The following PACRG variants were observed in gnomAD, a reference collection of about 807,000 sequenced individuals.
PACRG encodes the protein parkin coregulated gene protein.
Under a neutral mutation model 29.7 loss-of-function variants are expected in PACRG, and 29 were observed. That is an observed-to-expected ratio of 0.98 (90% confidence interval 0.73 to 1.33). PACRG has a LOEUF of 1.33. Ranked by LOEUF, PACRG falls within the 40% of genes most tolerant of loss-of-function variation. PACRG has a pLI of 0.00. For missense variants in PACRG, 279 were observed against 316.2 expected, an observed-to-expected ratio of 0.88 and a Z score of 0.89; for synonymous variants, 116 against 118.7, an observed-to-expected ratio of 0.98 and a Z score of 0.15.
At chr6:162,762,260 A>T (rs866428682) in intron 1 of PACRG, among the ~76,000 whole-genome samples, 13 of 152,206 alleles carry the variant, frequency 8.5e-5, no homozygotes, top group Admixed American at 2.6e-4. Context: ...ACCAAGAAAG[A>T]GTTCAGCAGG....
intron 4 of PACRG, among the ~76,000 whole-genome samples, chr6:163,221,289 G>A (rs910088671): frequency 6.6e-6 from 1 of 152,194 alleles, no homozygotes; most frequent in Admixed American, 6.5e-5. Flanking sequence ...TCTTCAGGAA[G>A]CCACTGGGTC....
At chr6:163,033,270 G>A (rs980984321) in intron 2 of PACRG, among the ~76,000 whole-genome samples, 8 of 152,108 alleles carry the variant, frequency 5.3e-5, no homozygotes, top group Admixed American at 3.9e-4. Flanking sequence ...ATTAGATGTG[G>A]GGCCTAGGAC....
chr6:162,932,649 A>T (rs1049495578), intron 2 of PACRG, among the ~76,000 whole-genome samples: 4 of 151,690 alleles, frequency 2.6e-5, no homozygotes, highest in Non-Finnish European at 5.9e-5. Flanking sequence ...ATTTTTTTCT[A>T]GGTTTCTAAT....
intron 2 of PACRG, among the ~76,000 whole-genome samples, chr6:162,992,593 T>A (rs1803543883): frequency 8.4e-6 from 1 of 118,668 alleles, no homozygotes; most frequent in Non-Finnish European, 1.7e-5. Context: ...GATATCCCCT[T>A]TATCATTTTT....
intron 2 of PACRG, among the ~76,000 whole-genome samples, chr6:162,844,476 C>G (rs1476130731): frequency 6.6e-6 from 1 of 152,230 alleles, no homozygotes; most frequent in Non-Finnish European, 1.5e-5. Context: ...CGCGCACCCA[C>G]TGACCTGTGC....
At chr6:163,082,675 G>A (rs1813193682) in intron 3 of PACRG, among the ~76,000 whole-genome samples, 1 of 152,088 alleles carries the variant, frequency 6.6e-6, no homozygotes, top group South Asian at 2.1e-4. Context: ...TATAAAATGA[G>A]GTCCGAGTGC....
chr6:162,772,838 T>A (rs1783325437), intron 1 of PACRG, among the ~76,000 whole-genome samples: 6 of 152,064 alleles, frequency 3.9e-5, no homozygotes, highest in Admixed American at 6.5e-5. Context: ...GGAAAGAATA[T>A]GAGGGAATGA....
intron 4 of PACRG, among the ~76,000 whole-genome samples, chr6:163,266,806 G>C (rs893706341): frequency 6.6e-6 from 1 of 152,144 alleles, no homozygotes; most frequent in Non-Finnish European, 1.5e-5. Context: ...TGATATCCCA[G>C]CCGTCAAATG....
At chr6:163,231,120 G>A (rs74525110) in intron 4 of PACRG, among the ~76,000 whole-genome samples, 2,541 of 152,296 alleles carry the variant, frequency 0.017, 13 homozygotes, top group East Asian at 0.034. Flanking sequence ...GGCTGGGAGC[G>A]GCACCACCTT....
At chr6:163,187,254 A>G (rs907819551) in intron 4 of PACRG, among the ~76,000 whole-genome samples, 10 of 152,084 alleles carry the variant, frequency 6.6e-5, no homozygotes, top group Non-Finnish European at 1.5e-4. Context: ...ATCCCTCCAT[A>G]GACTGATCTG....
chr6:162,953,610 A>G (rs1171987252), intron 2 of PACRG, among the ~76,000 whole-genome samples: 8 of 151,974 alleles, frequency 5.3e-5, no homozygotes, highest in Non-Finnish European at 4.4e-5. Flanking sequence ...ATGAGATAGC[A>G]GAGATTTTTC....
In PACRG at chr6:163,026,639, C is replaced by T. The variant is rs1012282611; in HGVS notation, c.292-35511C>T. On this transcript the variant is annotated intron_variant, in intron 2 of 4. Transcript: ENST00000366888. ...AGGTTCCCCCATAAGACCTCACTCT[C>T]ATGCAAGAATCTATTAACTTGTGTT... Among the ~76,000 whole-genome samples, 4 of 152,242 alleles carry T rather than the reference C, an allele frequency of 2.6e-5. No individual in the cohort carries two copies. In the East Asian group the frequency reaches 7.7e-4, roughly 29 times the overall value.
chr6:163,218,250 C>T (rs1167647250), intron 4 of PACRG, among the ~76,000 whole-genome samples: 2 of 152,182 alleles, frequency 1.3e-5, no homozygotes, highest in African/African-American at 4.8e-5. Flanking sequence ...ATGATGGATA[C>T]AGCAATCTCT....
At chr6:162,960,182 G>A (rs1800492101) in intron 2 of PACRG, among the ~76,000 whole-genome samples, 1 of 152,220 alleles carries the variant, frequency 6.6e-6, no homozygotes, top group South Asian at 2.1e-4. Context: ...TTCATTCACT[G>A]TGGAAAGCAG....
intron 4 of PACRG, chr6:163,189,583 G>A (rs1780108219): frequency 6.6e-6 from 1 of 152,196 alleles, no homozygotes; most frequent in Non-Finnish European, 1.5e-5. Context: ...CTTACAGATT[G>A]CTAGTTTCTC....
At chr6:163,061,519 G>A (rs982217249) in intron 2 of PACRG, among the ~76,000 whole-genome samples, 1 of 152,206 alleles carries the variant, frequency 6.6e-6, no homozygotes, top group African/African-American at 2.4e-5. Flanking sequence ...GGCAAAGGGA[G>A]GTTGGGATGT....
chr6:163,062,552 A>G (rs1056707186), intron 3 of PACRG, among the ~76,000 whole-genome samples: 2 of 152,196 alleles, frequency 1.3e-5, no homozygotes, highest in African/African-American at 2.4e-5. Flanking sequence ...GGTTTGTGCT[A>G]ATTTAAAATG....
chr6:163,005,875 G>C (rs574482684), intron 2 of PACRG, among the ~76,000 whole-genome samples: 1 of 146,362 alleles, frequency 6.8e-6, no homozygotes, highest in Non-Finnish European at 1.5e-5. Context: ...ATAGTTATAC[G>C]TGTTATATAT....
At chr6:162,887,246 C>T (rs1205712209) in intron 2 of PACRG, among the ~76,000 whole-genome samples, 1 of 152,160 alleles carries the variant, frequency 6.6e-6, no homozygotes, top group Non-Finnish European at 1.5e-5. Context: ...AGCCACTGCG[C>T]ATGGCCCCCA....
Sources: allele counts gnomAD v4.1 joint callset (sites outside exome capture counted in the v4.1 genomes callset), GRCh38; gene constraint gnomAD v4.1.1; transcripts MANE v1.5; gene names NCBI Gene and HGNC (gene_info 2026-07-23, HGNC 2026-07-21).